EXOC6B: variants seen among roughly 807,000 people sequenced by gnomAD.
EXOC6B encodes SEC15 homolog B.
EXOC6B carries 54 observed loss-of-function variants against 113.5 expected under a neutral mutation model. The ratio of observed to expected loss-of-function variants is 0.48; its 90% CI spans 0.38 to 0.60. The LOEUF is 0.60. Among genes scored for constraint, EXOC6B ranks in the 20% least tolerant of loss-of-function variants. The probability of loss-of-function intolerance (pLI) is 0.00; values close to 1 mark genes in which losing one functional copy is unlikely to be tolerated. For synonymous variants in EXOC6B, 357 were observed against 339.0 expected (o/e 1.05, Z -0.58); for missense variants, 797 against 977.5 (o/e 0.82, Z 2.46).
intron 1 of EXOC6B, among the ~76,000 whole-genome samples, chr2:72,814,882 T>C (rs899062798): frequency 2.0e-5 from 3 of 152,138 alleles, no homozygotes; most frequent in African/African-American, 7.2e-5. Context: ...TCCCAGCTAC[T>C]CCGGAGGCTG....
intron 1 of EXOC6B, among the ~76,000 whole-genome samples, chr2:72,767,808 T>TAAAAAACAAAAAAAAAAAAAA (rs1683163079): frequency 7.9e-5 from 1 of 12,680 alleles, no homozygotes; most frequent in Non-Finnish European, 1.5e-4. Context: ...GAGACCTTGT[T>TAAAAAACAAAAAAAAAAAAAA]AAAAAAAAAA....
chr2:72,709,050 A>C (rs573904634), intron 6 of EXOC6B, among the ~76,000 whole-genome samples: 5 of 150,912 alleles, frequency 3.3e-5, no homozygotes, highest in Non-Finnish European at 7.4e-5. Context: ...GCTTATAATT[A>C]AAATTTAAAA....
At chr2:72,421,817 G>C (rs990053314) in intron 18 of EXOC6B, among the ~76,000 whole-genome samples, 1 of 152,210 alleles carries the variant, frequency 6.6e-6, no homozygotes, top group Non-Finnish European at 1.5e-5. Flanking sequence ...AGCTTGCAGC[G>C]AGGTGTGGAG....
At chr2:72,427,207 C>T (rs1695246964) in intron 18 of EXOC6B, among the ~76,000 whole-genome samples, 1 of 152,228 alleles carries the variant, frequency 6.6e-6, no homozygotes, top group African/African-American at 2.4e-5. Context: ...GGCAGGGGAA[C>T]AGCATGGTTG....
intron 6 of EXOC6B, among the ~76,000 whole-genome samples, chr2:72,578,635 TTG>T (rs1282479691): frequency 6.6e-6 from 1 of 152,116 alleles, no homozygotes; most frequent in Non-Finnish European, 1.5e-5. Context: ...GTACCAAGCA[TTG>T]TGTTGCACAC....
intron 6 of EXOC6B, among the ~76,000 whole-genome samples, chr2:72,623,370 T>G (rs559076351): frequency 1.3e-5 from 2 of 152,282 alleles, no homozygotes; most frequent in Admixed American, 6.5e-5. Context: ...CAGATATACT[T>G]TAAGTATTTG....
intron 20 of EXOC6B, among the ~76,000 whole-genome samples, chr2:72,262,187 C>T (rs1021264323): frequency 7.9e-5 from 12 of 152,026 alleles, no homozygotes; most frequent in Admixed American, 7.2e-4. Flanking sequence ...GGATCAAGAA[C>T]TTCCTTCACC....
At chr2:72,205,554 T>A (rs1456537410) in intron 20 of EXOC6B, among the ~76,000 whole-genome samples, 1 of 152,016 alleles carries the variant, frequency 6.6e-6, no homozygotes, top group Non-Finnish European at 1.5e-5. Flanking sequence ...CAGACTGAGG[T>A]GATAGGCGCT....
intron 20 of EXOC6B, among the ~76,000 whole-genome samples, chr2:72,269,062 G>C (rs1247301249): frequency 1.3e-5 from 2 of 152,114 alleles, no homozygotes; most frequent in Admixed American, 1.3e-4. Context: ...AAATGGGCTT[G>C]CCTAGGCCTG....
At chr2:72,619,636 TGA>T (rs562553686) in intron 6 of EXOC6B, among the ~76,000 whole-genome samples, 52 of 152,078 alleles carry the variant, frequency 3.4e-4, no homozygotes, top group East Asian at 7.7e-4. Flanking sequence ...TCAAGAATAG[TGA>T]GAGAGTCAGC....
intron 17 of EXOC6B, among the ~76,000 whole-genome samples, chr2:72,476,911 C>T (rs1238355082): frequency 6.6e-6 from 1 of 152,166 alleles, no homozygotes; most frequent in Non-Finnish European, 1.5e-5. Flanking sequence ...CCCTCTATAT[C>T]CATTCTCTGC....
chr2:72,568,688 G>A (rs771598404), intron 7 of EXOC6B, among the ~76,000 whole-genome samples: 1 of 151,920 alleles, frequency 6.6e-6, no homozygotes, highest in Non-Finnish European at 1.5e-5. Context: ...TTCTTCAAAA[G>A]TAAAAGAAAA....
intron 6 of EXOC6B, among the ~76,000 whole-genome samples, chr2:72,698,440 A>T (rs1191012486): frequency 6.6e-6 from 1 of 152,194 alleles, no homozygotes; most frequent in African/African-American, 2.4e-5. Flanking sequence ...CCAAAGTAAA[A>T]TGCCTTTTCA....
chr2:72,712,267 C>G (rs1365558518), intron 6 of EXOC6B, among the ~76,000 whole-genome samples: 1 of 152,104 alleles, frequency 6.6e-6, no homozygotes, highest in Non-Finnish European at 1.5e-5. Context: ...TATTAGTTTT[C>G]TTTTCCTGGG....
intron 7 of EXOC6B, among the ~76,000 whole-genome samples, chr2:72,565,154 C>G (rs1401994505): frequency 1.3e-5 from 2 of 151,836 alleles, no homozygotes; most frequent in African/African-American, 2.4e-5. Context: ...AGTTCAAGAC[C>G]AGCCTGTGCA....
chr2:72,715,672 T>A (rs905987549), intron 6 of EXOC6B, among the ~76,000 whole-genome samples: 1 of 152,084 alleles, frequency 6.6e-6, no homozygotes, highest in Non-Finnish European at 1.5e-5. Flanking sequence ...GAGAATATTG[T>A]TTGTCTCTGG....
chr2:72,599,726 A>G (rs1481206789), intron 6 of EXOC6B, among the ~76,000 whole-genome samples: 2 of 152,164 alleles, frequency 1.3e-5, no homozygotes, highest in East Asian at 1.9e-4. Context: ...TGAATATACA[A>G]AAGTCAGTTG....
intron 20 of EXOC6B, among the ~76,000 whole-genome samples, chr2:72,248,659 G>C (rs890535081): frequency 2.6e-5 from 4 of 152,166 alleles, no homozygotes; most frequent in Admixed American, 1.3e-4. Context: ...GTGTCTAGCA[G>C]AGTAAATGCT....
intron 6 of EXOC6B, among the ~76,000 whole-genome samples, chr2:72,627,373 T>C (rs768638834): frequency 1.3e-5 from 2 of 152,154 alleles, no homozygotes; most frequent in African/African-American, 2.4e-5. Flanking sequence ...TCAGAGACCA[T>C]TGCCTGACTG....
Sources: allele counts gnomAD v4.1 joint callset (sites outside exome capture counted in the v4.1 genomes callset), GRCh38; gene constraint gnomAD v4.1.1; transcripts MANE v1.5; gene names NCBI Gene and HGNC (gene_info 2026-07-23, HGNC 2026-07-21).